Variants in C20orf96 observed in about 807,000 individuals in gnomAD.
C20orf96 encodes chromosome 20 open reading frame 96.
C20orf96 carries 57 observed loss-of-function variants against 52.6 expected under a neutral mutation model. That is an observed-to-expected ratio of 1.08 (90% confidence interval 0.88 to 1.35). The LOEUF (loss-of-function observed/expected upper bound fraction) is 1.35, where lower values mean the gene tolerates loss of function less well. Ranked by LOEUF, C20orf96 falls within the 40% of genes most tolerant of loss-of-function variation. The pLI, the probability that C20orf96 is intolerant of heterozygous loss-of-function variation, is 0.00. For synonymous variants in C20orf96, 168 were observed against 157.2 expected (o/e 1.07, Z -0.51); for missense variants, 478 against 443.6 (o/e 1.08, Z -0.70).
intron 10 of C20orf96, among the ~76,000 whole-genome samples, chr20:271,617 A>C (rs1286290415): frequency 6.6e-6 from 1 of 152,208 alleles, no homozygotes; most frequent in Non-Finnish European, 1.5e-5. Flanking sequence ...CTTTGGAGTG[A>C]GGATGACAGG....
Position 289,566 on chromosome 20 carries a change from G to C in C20orf96, c.180C>G (p.Val60=). Residue 60 remains valine, a synonymous_variant, in exon 3 of 11, where the codon GTC becomes GTG. Coordinates refer to ENST00000360321, the MANE Select transcript of C20orf96 (RefSeq NM_153269.3). ...HTSKMKTLTR[V]QPVFHFKPTT... ...CCAGGTGCCTCCGCCCACCTGGTTG[G>C]ACCCTAGTCAAAGTCTTCATTTTGC... 1.9e-6 allele frequency: 3 copies of C among 1,612,928 alleles called. No individual in the cohort carries two copies. Among genetic ancestry groups the C allele is most frequent in the Non-Finnish European group, 2.5e-6 (3 of 1,178,996 alleles).
intron 9 of C20orf96, 51 bp from the exon 10 acceptor site, chr20:276,137 C>T (rs1394873443): frequency 6.2e-7 from 1 of 1,610,046 alleles, no homozygotes; most frequent in Admixed American, 1.7e-5. Context: ...TGGCCCCCAA[C>T]CAAAGGGAGA....
In C20orf96 at chr20:279,247, G is replaced by A. The variant is rs370729462; in HGVS notation, c.390C>T (p.Ile130=). Residue 130 remains isoleucine (I), a synonymous_variant, in exon 5 of 11, where the codon ATC becomes ATT. Coordinates refer to ENST00000360321, the MANE Select transcript of C20orf96 (RefSeq NM_153269.3). ...NFLSKLNREL[I]ETIQEMENST... ...TGTTCTCCATCTCCTGGATGGTCTC[G>A]ATCAGCTCCCGGTTGAGCTTGCTGA... 54 of 1,611,170 alleles carry A rather than the reference G, an allele frequency of 3.4e-5. No individual in the cohort carries two copies. The Middle Eastern group carries it at 6.6e-4, about 20-fold the overall frequency.
intron 4 of C20orf96, among the ~76,000 whole-genome samples, chr20:283,582 G>A (rs1600189460): frequency 1.3e-5 from 2 of 151,984 alleles, no homozygotes; most frequent in African/African-American, 4.8e-5. Context: ...GGGATTATAG[G>A]CATGAGCCAC....
intron 3 of C20orf96, among the ~76,000 whole-genome samples, chr20:286,778 T>TAGGA (rs2012398917): frequency 6.6e-6 from 1 of 152,086 alleles, no homozygotes; most frequent in Non-Finnish European, 1.5e-5. Context: ...GCCTGTCGCC[T>TAGGA]TCTACAACCA....
intron 10 of C20orf96, among the ~76,000 whole-genome samples, 174 bp from the exon 11 acceptor site, chr20:271,441 C>CAT (rs1555769586): frequency 1.8e-5 from 2 of 110,386 alleles, no homozygotes; most frequent in African/African-American, 4.8e-5. Context: ...CATACACAAG[C>CAT]ATACACACAC....
chr20:290,478 G>T, intron 1 of C20orf96, 113 bp downstream of exon 1: 1 of 1,495,794 alleles, frequency 6.7e-7, no homozygotes, highest in Non-Finnish European at 8.9e-7. Context: ...AGAGGACGGG[G>T]GTCAGAAGAC....
At position 271,354 on chromosome 20, in the gene C20orf96, T is replaced by G. The variant is rs2011830024; in HGVS notation, c.1032-87A>C. 3.7e-5 allele frequency: 41 copies of G among 1,103,456 alleles called. No individual in the cohort carries two copies. In the South Asian group the frequency reaches 6.5e-4, roughly 18 times the overall value. The allele number at this position is 1,103,456 out of a possible 1,614,324, so 68.4% of individuals were successfully genotyped here. ...TCAGAGGAGCCCTGCTCTTTAGAAC[T>G]CTGGTACGTACTTGGGTTGGGGGGC... is the stretch of plus-strand genomic sequence containing the variant. On this transcript the variant is annotated intron_variant, in intron 10 of 10. Transcript: ENST00000360321.
chr20:287,908 C>CAAAAA (rs71327437), intron 3 of C20orf96, among the ~76,000 whole-genome samples: 8 of 63,082 alleles, frequency 1.3e-4, no homozygotes, highest in African/African-American at 4.0e-4. Context: ...GACTCCTTCT[C>CAAAAA]AAAAAAAAAA....
In C20orf96 at chr20:277,108, A is replaced by G; in HGVS notation, c.761T>C (p.Val254Ala). The change falls in exon 8 of 11, where the codon GTC (valine) becomes GCC (alanine). Residue 254 changes from valine to alanine, a missense_variant. By Grantham distance (64) the Val-to-Ala change is moderately conservative. Transcript: ENST00000360321. ...LDDLGEMRRK[V>A]LESLSDKIQK... ...AATCTTGTCAGACAAGGATTCCAGGACCTTTCTGCGCATCTCACCGAGGTC... is the reference window on the plus strand; with the variant it reads ...AATCTTGTCAGACAAGGATTCCAGGGCCTTTCTGCGCATCTCACCGAGGTC... The G allele has an allele frequency of 6.2e-7, 1 of 1,613,866 alleles. No individual in the cohort carries two copies. The highest frequency in any genetic ancestry group is 8.5e-7 in the Non-Finnish European group (1 of 1,179,900).
At chr20:289,165 G>A (rs1261493996) in intron 3 of C20orf96, among the ~76,000 whole-genome samples, 1 of 151,772 alleles carries the variant, frequency 6.6e-6, no homozygotes, top group African/African-American at 2.4e-5. Context: ...TGAAACATGA[G>A]TAGGAGTAAC....
intron 5 of C20orf96, 150 bp downstream of exon 5, chr20:279,022 C>CGGGCGGGACGGAG: frequency 1.5e-5 from 1 of 67,888 alleles, no homozygotes; most frequent in Non-Finnish European, 1.7e-5. Context: ...GACGGAGGGA[C>CGGGCGGGACGGAG]GGAGGGAGGG....
At chr20:275,293 A>G (rs948827233) in intron 10 of C20orf96, among the ~76,000 whole-genome samples, 1 of 152,148 alleles carries the variant, frequency 6.6e-6, no homozygotes, top group Non-Finnish European at 1.5e-5. Flanking sequence ...GAGGCACTTC[A>G]TAAATCCAAT....
intron 10 of C20orf96, among the ~76,000 whole-genome samples, chr20:273,973 G>A (rs1309493221): frequency 7.0e-6 from 1 of 143,568 alleles, no homozygotes; most frequent in Non-Finnish European, 1.5e-5. Context: ...GAAAAAGAAA[G>A]AAAAGAGAAA....
chr20:288,646 G>C (rs557407751), intron 3 of C20orf96, among the ~76,000 whole-genome samples: 2 of 152,286 alleles, frequency 1.3e-5, no homozygotes, highest in Non-Finnish European at 2.9e-5. Context: ...AAATAAGGTA[G>C]TGAGATGCAG....
chr20:275,053 G>C (rs538524726), intron 10 of C20orf96, among the ~76,000 whole-genome samples: 28 of 152,250 alleles, frequency 1.8e-4, no homozygotes, highest in African/African-American at 6.5e-4. Context: ...TCCTGACCTC[G>C]TGATCCACCG....
chr20:281,930 G>A (rs114932960), intron 4 of C20orf96, among the ~76,000 whole-genome samples: 2,438 of 152,266 alleles, frequency 0.016, 70 homozygotes, highest in African/African-American at 0.055. Flanking sequence ...TCATGCCACT[G>A]CGCTCCAGCC....
intron 3 of C20orf96, among the ~76,000 whole-genome samples, chr20:284,448 G>A (rs2012331727): frequency 6.6e-6 from 1 of 152,232 alleles, no homozygotes. Flanking sequence ...AGAAAGACCA[G>A]AGTCTGGCAG....
At chr20:282,202 G>A (rs1453258655) in intron 4 of C20orf96, among the ~76,000 whole-genome samples, 2 of 152,106 alleles carry the variant, frequency 1.3e-5, no homozygotes, top group Admixed American at 6.5e-5. Context: ...GCAGCCTCTC[G>A]TTAGCACCTA....
Sources: allele counts gnomAD v4.1 joint callset (sites outside exome capture counted in the v4.1 genomes callset), GRCh38; gene constraint gnomAD v4.1.1; transcripts MANE v1.5; gene names NCBI Gene and HGNC (gene_info 2026-07-23, HGNC 2026-07-21).